ANKFN1: variants seen among roughly 807,000 people sequenced by gnomAD.
ANKFN1 encodes the protein ankyrin repeat and fibronectin type-III domain-containing protein 1.
ANKFN1 carries 74 observed loss-of-function variants against 108.7 expected under a neutral mutation model. The observed-to-expected ratio is 0.68, with a 90% confidence interval of 0.56 to 0.83. ANKFN1 has a LOEUF of 0.83. ANKFN1 is among the 40% of genes least tolerant of loss of function. ANKFN1 has a pLI of 0.00. For synonymous variants in ANKFN1, 547 were observed against 516.2 expected, an observed-to-expected ratio of 1.06 and a Z score of -0.81; for missense variants, 1,505 against 1,382.3, an observed-to-expected ratio of 1.09 and a Z score of -1.41.
chr17:56,502,428 G>A (rs113830506), intron 20 of ANKFN1, among the ~76,000 whole-genome samples: 422 of 152,186 alleles, frequency 2.8e-3, no homozygotes, highest in Admixed American at 4.8e-3. Context: ...AAAATATAAC[G>A]CTCTCTTGGG....
At chr17:56,492,930 A>G (rs1356139453) in intron 19 of ANKFN1, among the ~76,000 whole-genome samples, 1 of 152,164 alleles carries the variant, frequency 6.6e-6, no homozygotes, top group Admixed American at 6.5e-5. Context: ...GGTACTGACT[A>G]GTAATCAAGA....
intron 8 of ANKFN1, among the ~76,000 whole-genome samples, chr17:56,377,707 C>A (rs191674824): frequency 2.6e-5 from 4 of 152,336 alleles, no homozygotes; most frequent in African/African-American, 7.2e-5. Context: ...TATGTCATTT[C>A]TCTGCAGGCC....
At chr17:56,235,752 C>T (rs762310961) in intron 3 of ANKFN1, among the ~76,000 whole-genome samples, 13 of 152,034 alleles carry the variant, frequency 8.6e-5, no homozygotes, top group Middle Eastern at 3.2e-3. Context: ...TTTTGGTTAC[C>T]GCAGCCCTGT....
chr17:56,264,019 G>A (rs556151571), intron 3 of ANKFN1, among the ~76,000 whole-genome samples: 3 of 152,226 alleles, frequency 2.0e-5, no homozygotes, highest in South Asian at 2.1e-4. Context: ...TGAGACTCCC[G>A]TACCCCTCAC....
chr17:56,052,862 A>G (rs1177880261), intron 4 of ANKFN1, among the ~76,000 whole-genome samples: 1 of 152,206 alleles, frequency 6.6e-6, no homozygotes, highest in African/African-American at 2.4e-5. Flanking sequence ...AAGGCATTGC[A>G]GAAGAGAAAA....
At chr17:56,358,871 C>T (rs1002092996) in intron 6 of ANKFN1, among the ~76,000 whole-genome samples, 3 of 152,044 alleles carry the variant, frequency 2.0e-5, no homozygotes, top group African/African-American at 7.2e-5. Context: ...TATATAAAAG[C>T]CCCCAGTCAT....
At chr17:56,295,951 C>A (rs1366956763) in intron 3 of ANKFN1, among the ~76,000 whole-genome samples, 1 of 152,196 alleles carries the variant, frequency 6.6e-6, no homozygotes, top group African/African-American at 2.4e-5. Context: ...CACTGTTGCA[C>A]TGGGGATTAA....
intron 4 of ANKFN1, among the ~76,000 whole-genome samples, chr17:56,335,883 A>G (rs924898416): frequency 3.3e-5 from 5 of 152,200 alleles, no homozygotes; most frequent in African/African-American, 4.8e-5. Flanking sequence ...ATTTTGAGAT[A>G]TGTTCCACCA....
chr17:56,336,841 T>C (rs1281716999), intron 4 of ANKFN1, among the ~76,000 whole-genome samples: 1 of 152,204 alleles, frequency 6.6e-6, no homozygotes, highest in Non-Finnish European at 1.5e-5. Flanking sequence ...TCTCCTGCTT[T>C]CTCTTGTGGG....
intron 20 of ANKFN1, among the ~76,000 whole-genome samples, chr17:56,504,216 C>A (rs1293959364): frequency 6.6e-6 from 1 of 152,200 alleles, no homozygotes. Context: ...AAGTGTGGGT[C>A]CATGAACCAA....
chr17:56,171,285 C>G (rs1274192812), intron 1 of ANKFN1, among the ~76,000 whole-genome samples: 1 of 152,060 alleles, frequency 6.6e-6, no homozygotes, highest in Non-Finnish European at 1.5e-5. Flanking sequence ...AGACCGGAGC[C>G]AGTGGTTTTG....
chr17:56,266,952 C>T (rs2144153267), intron 3 of ANKFN1, among the ~76,000 whole-genome samples: 1 of 152,192 alleles, frequency 6.6e-6, no homozygotes, highest in East Asian at 1.9e-4. Context: ...CCTTGGCTAC[C>T]AAGAAGTTCA....
intron 4 of ANKFN1, among the ~76,000 whole-genome samples, chr17:56,079,316 A>G (rs1905217394): frequency 6.6e-6 from 1 of 152,170 alleles, no homozygotes; most frequent in African/African-American, 2.4e-5. Flanking sequence ...AGACACTTCC[A>G]TTCTGCCTCC....
chr17:56,447,489 A>G (rs868512738), intron 10 of ANKFN1, among the ~76,000 whole-genome samples: 1 of 152,186 alleles, frequency 6.6e-6, no homozygotes, highest in African/African-American at 2.4e-5. Flanking sequence ...GGGTCAGGAG[A>G]TATTATTGCC....
chr17:56,219,344 G>T (rs1446222554), intron 2 of ANKFN1, among the ~76,000 whole-genome samples: 1 of 151,942 alleles, frequency 6.6e-6, no homozygotes, highest in Non-Finnish European at 1.5e-5. Context: ...CCTCCTGGGA[G>T]CAAGTGATTC....
chr17:56,164,664 C>G (rs1909986795), intron 1 of ANKFN1, among the ~76,000 whole-genome samples: 2 of 152,202 alleles, frequency 1.3e-5, no homozygotes, highest in South Asian at 2.1e-4. Flanking sequence ...TTAACACAGT[C>G]AAATGCCCCC....
At chr17:56,437,052 C>G (rs891619821) in intron 8 of ANKFN1, among the ~76,000 whole-genome samples, 1 of 152,128 alleles carries the variant, frequency 6.6e-6, no homozygotes, top group Non-Finnish European at 1.5e-5. Flanking sequence ...AATTGTTTGC[C>G]TTTGATGTGA....
intron 4 of ANKFN1, among the ~76,000 whole-genome samples, chr17:56,336,536 T>A (rs2045814866): frequency 6.6e-6 from 1 of 152,198 alleles, no homozygotes; most frequent in Non-Finnish European, 1.5e-5. Context: ...CTGATGGTAG[T>A]TTGTATTTCT....
At chr17:56,159,149 T>C (rs888965976) in intron 1 of ANKFN1, among the ~76,000 whole-genome samples, 15 of 152,020 alleles carry the variant, frequency 9.9e-5, no homozygotes, top group African/African-American at 3.4e-4. Context: ...GAATTCTGTC[T>C]AGTGTGAAAA....
Sources: allele counts gnomAD v4.1 joint callset (sites outside exome capture counted in the v4.1 genomes callset), GRCh38; gene constraint gnomAD v4.1.1; transcripts MANE v1.5; gene names NCBI Gene and HGNC (gene_info 2026-07-23, HGNC 2026-07-21).